CTXND1: variants seen among roughly 807,000 people sequenced by gnomAD.
The protein encoded by CTXND1 is cortexin domain containing 1, also known as cortexin domain-containing 1 protein.
rs530284972 is a variant in CTXND1 at position 80,202,905 on chromosome 15, ATTG to A, written c.-66+681_-66+683del. On this transcript the variant is annotated intron_variant, in intron 2 of 2. Transcript: ENST00000560778. The stretch of plus-strand genomic sequence containing the variant: ...GGGCAGGTCTGGACAGCTCTCAATT[ATTG>A]TTAGGACTCCAGCGGTAGTGCCTAC... Among the ~76,000 whole-genome samples, 78 of 152,314 alleles carry A rather than the reference ATTG, an allele frequency of 5.1e-4. 1 individual carries two copies. Among genetic ancestry groups the A allele is most frequent in the African/African-American group, 1.8e-3 (75 of 41,576 alleles).
At chr15:80,248,932 C>G (rs779770644) in intron 1 of CTXND1, among the ~76,000 whole-genome samples, 6 of 146,820 alleles carry the variant, frequency 4.1e-5, no homozygotes, top group Non-Finnish European at 9.0e-5. Context: ...GCACAGTTCT[C>G]TTTCTTTCTT....
intron 1 of CTXND1, among the ~76,000 whole-genome samples, chr15:80,236,489 A>G (rs1893496683): frequency 6.6e-6 from 1 of 152,224 alleles, no homozygotes. Context: ...CCGTAAGATT[A>G]TAATGGAGCT....
intron 1 of CTXND1, among the ~76,000 whole-genome samples, chr15:80,210,012 T>C (rs1443225751): frequency 6.6e-6 from 1 of 152,234 alleles, no homozygotes; most frequent in Non-Finnish European, 1.5e-5. Context: ...AACTCAATTT[T>C]AAAAAGTTAT....
At chr15:80,214,086 A>T (rs28757709) in intron 1 of CTXND1, among the ~76,000 whole-genome samples, 4 of 152,048 alleles carry the variant, frequency 2.6e-5, no homozygotes, top group South Asian at 4.2e-4. Context: ...AATTACCTAT[A>T]GTAAGAGCTT....
intron 1 of CTXND1, among the ~76,000 whole-genome samples, chr15:80,228,059 A>T (rs1289614692): frequency 6.6e-6 from 1 of 152,252 alleles, no homozygotes; most frequent in Non-Finnish European, 1.5e-5. Flanking sequence ...AACAAGGTTC[A>T]CATCTTCAAG....
chr15:80,239,391 GC>G (rs1193702025), intron 1 of CTXND1, among the ~76,000 whole-genome samples: 2 of 152,226 alleles, frequency 1.3e-5, no homozygotes, highest in African/African-American at 4.8e-5. Flanking sequence ...TAAGGGTGTT[GC>G]CAAAAGAGAT....
chr15:80,233,108 A>G (rs1420567351), intron 1 of CTXND1, among the ~76,000 whole-genome samples: 1 of 151,766 alleles, frequency 6.6e-6, no homozygotes, highest in East Asian at 1.9e-4. Context: ...CGCCTGGCTA[A>G]TTTTTGTATT....
At chr15:80,211,373 T>TC (rs1893202968) in intron 1 of CTXND1, among the ~76,000 whole-genome samples, 2 of 152,228 alleles carry the variant, frequency 1.3e-5, no homozygotes, top group Non-Finnish European at 2.9e-5. Flanking sequence ...GCAGCCATTA[T>TC]GAAAGGTGAC....
intron 1 of CTXND1, among the ~76,000 whole-genome samples, chr15:80,231,297 TA>T (rs1324374774): frequency 6.6e-6 from 1 of 151,666 alleles, no homozygotes; most frequent in Non-Finnish European, 1.5e-5. Flanking sequence ...CATCCAAATC[TA>T]AGCTAGGAGA....
chr15:80,204,785 T>C (rs1411700869), intron 1 of CTXND1, among the ~76,000 whole-genome samples: 1 of 152,028 alleles, frequency 6.6e-6, no homozygotes, highest in Non-Finnish European at 1.5e-5. Flanking sequence ...TCCTTGAGAC[T>C]CTGCTTTCAA....
At chr15:80,226,320 C>G (rs570599234) in intron 1 of CTXND1, among the ~76,000 whole-genome samples, 1 of 152,154 alleles carries the variant, frequency 6.6e-6, no homozygotes, top group African/African-American at 2.4e-5. Flanking sequence ...TCAGGAGGGT[C>G]TTTTTGCTCA....
chr15:80,202,976 T>G (rs1595902803), intron 2 of CTXND1, among the ~76,000 whole-genome samples: 1 of 152,242 alleles, frequency 6.6e-6, no homozygotes, highest in African/African-American at 2.4e-5. Context: ...TTGCAACTTC[T>G]CTGGGTCCTA....
Position 80,211,221 on chromosome 15 carries a change from G to A in CTXND1, c.-217-7481C>T, listed in dbSNP as rs182662380. Reference sequence around the variant, plus strand: ...TGGTGCCCACCAGCTCCTGAAAATAGGAAGATGAAGGGACTGAGAGAGCAC... The same window carrying A: ...TGGTGCCCACCAGCTCCTGAAAATAAGAAGATGAAGGGACTGAGAGAGCAC... On this transcript the variant is annotated intron_variant, in intron 1 of 2. Transcript: ENST00000560778. Among the ~76,000 whole-genome samples, 219 of 152,320 alleles carry A rather than the reference G, an allele frequency of 1.4e-3. 1 individual carries two copies. The highest frequency in any genetic ancestry group is 4.9e-3 in the African/African-American group (202 of 41,580).
intron 1 of CTXND1, among the ~76,000 whole-genome samples, chr15:80,206,629 C>T (rs1228437264): frequency 1.3e-5 from 2 of 151,890 alleles, no homozygotes; most frequent in Non-Finnish European, 2.9e-5. Context: ...TAATTGTTTA[C>T]GTTTGTTCTT....
chr15:80,204,139 T>C (rs1445735222), intron 1 of CTXND1, among the ~76,000 whole-genome samples: 7 of 58,312 alleles, frequency 1.2e-4, no homozygotes, highest in Middle Eastern at 0.013. Flanking sequence ...AGAGCAAGAC[T>C]GTGTCTCAAA....
intron 1 of CTXND1, among the ~76,000 whole-genome samples, chr15:80,238,871 A>G (rs2141462754): frequency 6.6e-6 from 1 of 152,356 alleles, no homozygotes; most frequent in East Asian, 1.9e-4. Context: ...AGGAGCAATC[A>G]GCTACACTGT....
chr15:80,228,144 T>C (rs1893391976), intron 1 of CTXND1, among the ~76,000 whole-genome samples: 1 of 152,222 alleles, frequency 6.6e-6, no homozygotes, highest in South Asian at 2.1e-4. Context: ...AATAATTCAG[T>C]CATATCTTCA....
intron 1 of CTXND1, among the ~76,000 whole-genome samples, chr15:80,204,169 A>AAATATATATATAT (rs1555443860): frequency 1.5e-5 from 1 of 65,196 alleles, no homozygotes; most frequent in Non-Finnish European, 2.4e-5. Flanking sequence ...AAAAAAAAAA[A>AAATATATATATAT]ATATATATAT....
rs1022661027 is a variant in CTXND1, at chr15:80,250,746, G to T, written c.-218+1261C>A. On this transcript the variant is annotated intron_variant, in intron 1 of 2. Transcript: ENST00000560778. ...ACATATCTTATGCTGAGCCATCCCT[G>T]AAAAGGTAGCCTTAATCAAAATCTA... is the stretch of plus-strand genomic sequence containing the variant. Among the ~76,000 whole-genome samples the T allele has an allele frequency of 7.2e-5, 11 of 152,298 alleles. No individual in the cohort carries two copies. The East Asian group carries it at 2.1e-3, about 29-fold the overall frequency.
Sources: gnomAD v4.1 joint callset for allele counts (sites outside exome capture counted in the v4.1 genomes callset) on GRCh38, gnomAD v4.1.1 for gene constraint, MANE v1.5 for transcripts, NCBI Gene and HGNC (gene_info 2026-07-23, HGNC 2026-07-21) for gene names.